The following EIF3I variants were observed in gnomAD, a reference collection of about 807,000 sequenced individuals.
EIF3I encodes the protein eukaryotic translation initiation factor 3 subunit I, also known as TGF-beta receptor-interacting protein 1.
A neutral mutation model predicts 43.3 loss-of-function variants in EIF3I; 20 were observed. The observed-to-expected ratio is 0.46, with a 90% CI of 0.32 to 0.67. EIF3I has a LOEUF of 0.67. Ranked by LOEUF, EIF3I falls within the 30% of genes least tolerant of loss-of-function variation. The probability of loss-of-function intolerance (pLI) is 0.03; values close to 1 mark genes in which losing one functional copy is unlikely to be tolerated. For missense variants in EIF3I, 279 were observed against 421.4 expected (o/e 0.66, Z 2.96); for synonymous variants, 167 against 151.7 (o/e 1.10, Z -0.74).
chr1:32,229,124 C>T lies in EIF3I; in HGVS notation c.730-11C>T, dbSNP rs781036679. On this transcript the variant is annotated splice_polypyrimidine_tract_variant and intron_variant, in intron 8 of 11. Coordinates refer to ENST00000676679, the Ensembl canonical transcript of EIF3I. ...CCATTGGTCCCATCTAGAGTTTCTTCTTCCATTCAGGTGGTCCTGGGCGGT... is the reference window on the plus strand; with the variant it reads ...CCATTGGTCCCATCTAGAGTTTCTTTTTCCATTCAGGTGGTCCTGGGCGGT... 11 of 1,609,514 alleles carry T rather than the reference C, an allele frequency of 6.8e-6. 1 individual carries two copies. In the Middle Eastern group the frequency reaches 5.0e-4, roughly 73 times the overall value.
intron 9 of EIF3I, among the ~76,000 whole-genome samples, chr1:32,229,490 C>T (rs558380100): frequency 7.9e-5 from 12 of 151,586 alleles, no homozygotes; most frequent in South Asian, 4.2e-4. Context: ...CCTCGTGATA[C>T]GCCCGCCTCA....
chr1:32,231,377 G>C, downstream of EIF3I: 1 of 516,938 alleles, frequency 1.9e-6, no homozygotes, highest in Admixed American at 3.1e-5. Context: ...TATAGTCCCA[G>C]CTACTCAGGA....
At chr1:32,228,262 C>T (rs1183495178) in intron 6 of EIF3I, among the ~76,000 whole-genome samples, 2 of 152,176 alleles carry the variant, frequency 1.3e-5, no homozygotes, top group Non-Finnish European at 2.9e-5. Flanking sequence ...GCCAGATTTT[C>T]CTTCCAACAG....
At chr1:32,225,742 GC>G (rs1258828895) in intron 4 of EIF3I, among the ~76,000 whole-genome samples, 1 of 151,680 alleles carries the variant, frequency 6.6e-6, no homozygotes, top group Non-Finnish European at 1.5e-5. Flanking sequence ...AAAAAAAAAG[GC>G]CGGGCGCGGT....
At chr1:32,231,962 A>G (rs1293608444), downstream of EIF3I, 3 of 153,012 alleles carry the variant, frequency 2.0e-5, no homozygotes, top group Non-Finnish European at 4.4e-5. Flanking sequence ...TCCAGCGCAG[A>G]AACAGGCCTG....
At chr1:32,224,658 CTT>C (rs58586351) in intron 4 of EIF3I, among the ~76,000 whole-genome samples, 183 bp downstream of exon 4, 17 of 136,328 alleles carry the variant, frequency 1.2e-4, no homozygotes, top group African/African-American at 4.3e-4. Context: ...ATTAAGTTTT[CTT>C]TTTTTTTTTT....
downstream of EIF3I, chr1:32,234,670 T>C (rs1385176500): frequency 6.5e-6 from 1 of 152,758 alleles, no homozygotes; most frequent in African/African-American, 2.4e-5. Flanking sequence ...AGTTTCTGGA[T>C]GGAGGGTAAG....
chr1:32,226,396 C>T lies in EIF3I; in HGVS notation c.401-7C>T. ...GCCCAGGGCCTAACATCTACTGCCCCACACAGACAACAATGAGCCCTACAT... is the reference window on the plus strand; with the variant it reads ...GCCCAGGGCCTAACATCTACTGCCCTACACAGACAACAATGAGCCCTACAT... On this transcript the variant is annotated splice_region_variant and splice_polypyrimidine_tract_variant and intron_variant, in intron 5 of 11. Coordinates refer to ENST00000676679, the Ensembl canonical transcript of EIF3I. 1 of 1,608,688 alleles carries T rather than the reference C, an allele frequency of 6.2e-7. No homozygotes were observed. The highest frequency in any genetic ancestry group is 8.5e-7 in the Non-Finnish European group (1 of 1,177,590).
chr1:32,230,891 A>T (rs1288913758), intron 10 of EIF3I, 36 bp from the exon 10 acceptor site: 6 of 1,505,754 alleles, frequency 4.0e-6, no homozygotes, highest in African/African-American at 2.8e-5. Flanking sequence ...TTGGAAGAAG[A>T]TAGAAAGTGA....
intron 6 of EIF3I, among the ~76,000 whole-genome samples, chr1:32,228,009 G>A (rs866235188): frequency 2.6e-5 from 4 of 152,178 alleles, no homozygotes; most frequent in East Asian, 1.9e-4. Context: ...GGGAGGTGGC[G>A]TGTACATTAA....
At chr1:32,227,275 TA>T (rs1005926284) in intron 6 of EIF3I, among the ~76,000 whole-genome samples, 3,367 of 55,402 alleles carry the variant, frequency 0.061, 81 homozygotes, top group African/African-American at 0.18. Flanking sequence ...ACCCTGTCTC[TA>T]AAAAAAAAAA....
chr1:32,227,878 A>G (rs1314788538), intron 6 of EIF3I, among the ~76,000 whole-genome samples: 1 of 152,240 alleles, frequency 6.6e-6, no homozygotes, highest in African/African-American at 2.4e-5. Flanking sequence ...ACAAAGAAGT[A>G]AATCAGATGC....
At position 32,228,830 on chromosome 1, in the gene EIF3I, ACCTGCCTT is replaced by A; in HGVS notation, c.729+20_729+27del. 1.2e-6 allele frequency: 2 copies of A among 1,602,918 alleles called. No individual in the cohort carries two copies. Among genetic ancestry groups the A allele is most frequent in the Non-Finnish European group, 1.7e-6 (2 of 1,170,950 alleles). On this transcript the variant is annotated intron_variant, in intron 8 of 11. Coordinates refer to ENST00000676679, the Ensembl canonical transcript of EIF3I. ...AACTATGACCATGTAAGAGAACCCC[ACCTGCCTT>A]CCTGCTGAAGCCTCAGGAAGCTTCC...
At position 32,226,325 on chromosome 1, in the gene EIF3I, G is replaced by C; in HGVS notation, c.400+5G>C. 1 of 1,614,124 alleles carries C rather than the reference G, an allele frequency of 6.2e-7. No individual in the cohort carries two copies. The highest frequency in any genetic ancestry group is 8.5e-7 in the Non-Finnish European group (1 of 1,180,016). On this transcript the variant is annotated splice_donor_5th_base_variant and intron_variant, in intron 5 of 11. Coordinates refer to ENST00000676679, the Ensembl canonical transcript of EIF3I. ...TGCGGGATCCGAGCCAGATTGGTGA[G>C]GGCTGGGAATAGGGCTGGGGTTGAG...
downstream of EIF3I, among the ~76,000 whole-genome samples, chr1:32,235,954 C>G (rs1047675144): frequency 1.3e-5 from 2 of 152,164 alleles, no homozygotes; most frequent in Non-Finnish European, 2.9e-5. Flanking sequence ...TGTTTAAAAG[C>G]CTTCAGTGGC....
At chr1:32,231,723 C>A (rs1639240197), downstream of EIF3I, 2 of 154,484 alleles carry the variant, frequency 1.3e-5, no homozygotes, top group Admixed American at 1.3e-4. Context: ...AAACTTAAGA[C>A]CCTCAGTACT....
intron 6 of EIF3I, among the ~76,000 whole-genome samples, chr1:32,227,161 C>T (rs1639160176): frequency 4.6e-5 from 7 of 150,788 alleles, no homozygotes; most frequent in Admixed American, 4.6e-4. Context: ...ATCTGTAATC[C>T]CAGTGCCTTT....
chr1:32,232,479 C>G (rs1199859494), downstream of EIF3I, among the ~76,000 whole-genome samples: 1 of 152,176 alleles, frequency 6.6e-6, no homozygotes, highest in Non-Finnish European at 1.5e-5. Flanking sequence ...TGAGTCTCAA[C>G]AGACCTAGCA....
At chr1:32,234,527 C>A (rs548880890), downstream of EIF3I, 1 of 152,826 alleles carries the variant, frequency 6.5e-6, no homozygotes, top group Admixed American at 6.6e-5. Context: ...AGCTGCCACA[C>A]GCAGTCCAGG....
Sources: allele counts gnomAD v4.1 joint callset (sites outside exome capture counted in the v4.1 genomes callset), GRCh38; gene constraint gnomAD v4.1.1; transcripts MANE v1.5; gene names NCBI Gene and HGNC (gene_info 2026-07-23, HGNC 2026-07-21).